Variants in KCNJ3 observed in about 807,000 individuals in gnomAD.
KCNJ3 encodes G protein-activated inward rectifier potassium channel 1.
In KCNJ3, 4 loss-of-function variants were observed where a neutral mutation model predicts 39.2. The observed-to-expected ratio is 0.10, with a 90% CI of 0.05 to 0.23. The LOEUF (loss-of-function observed/expected upper bound fraction) is 0.23, where lower values mean the gene tolerates loss of function less well. KCNJ3 is among the 10% of genes least tolerant of loss of function. The probability of loss-of-function intolerance (pLI) is 1.00; values close to 1 mark genes in which losing one functional copy is unlikely to be tolerated. For synonymous variants in KCNJ3, 230 were observed against 237.4 expected, an observed-to-expected ratio of 0.97 and a Z score of 0.29; for missense variants, 276 against 634.9, an observed-to-expected ratio of 0.43 and a Z score of 6.08.
intron 2 of KCNJ3, among the ~76,000 whole-genome samples, chr2:154,735,069 CTGTGTGTGTG>C (rs10632638): frequency 9.6e-5 from 14 of 145,894 alleles, no homozygotes; most frequent in Admixed American, 5.4e-4. Context: ...CCTTGTAGGC[CTGTGTGTGTG>C]TGTGTGTGTG....
chr2:154,845,699 A>G lies in KCNJ3; in HGVS notation c.920-9028A>G, dbSNP rs1321033063. On this transcript the variant is annotated intron_variant, in intron 2 of 2. Transcript: ENST00000295101. ...TTGAAAGTGAATTTAGGCCAGGTAC[A>G]GTGGCTCACGCCTGTAATCCCAGCA... 4.6e-5 allele frequency among the ~76,000 whole-genome samples: 7 copies of G among 152,158 alleles called. No individual in the cohort carries two copies. In the East Asian group the frequency reaches 1.4e-3, roughly 30 times the overall value.
intron 2 of KCNJ3, among the ~76,000 whole-genome samples, chr2:154,774,466 A>G (rs559807960): frequency 5.9e-5 from 9 of 152,092 alleles, no homozygotes; most frequent in Non-Finnish European, 1.0e-4. Context: ...AAATATTAAC[A>G]TCATTATTTA....
chr2:154,777,590 T>C (rs967661262), intron 2 of KCNJ3, among the ~76,000 whole-genome samples: 1 of 152,212 alleles, frequency 6.6e-6, no homozygotes, highest in Non-Finnish European at 1.5e-5. Flanking sequence ...ATATAGGATA[T>C]TGGAAGTGGT....
At chr2:154,729,301 A>C (rs1685413714) in intron 2 of KCNJ3, among the ~76,000 whole-genome samples, 1 of 152,200 alleles carries the variant, frequency 6.6e-6, no homozygotes, top group African/African-American at 2.4e-5. Context: ...TATGTTTTGC[A>C]ACCAACTTTG....
intron 2 of KCNJ3, among the ~76,000 whole-genome samples, chr2:154,752,303 G>T (rs1403553760): frequency 6.6e-6 from 1 of 151,836 alleles, no homozygotes; most frequent in Admixed American, 6.6e-5. Context: ...AGTCAACTAG[G>T]AAATGTGATG....
intron 2 of KCNJ3, among the ~76,000 whole-genome samples, chr2:154,836,722 T>A (rs921356511): frequency 1.3e-4 from 20 of 152,204 alleles, no homozygotes; most frequent in African/African-American, 4.6e-4. Context: ...TCACTTAGGT[T>A]CTATAAATAG....
At chr2:154,771,017 A>G (rs1383076817) in intron 2 of KCNJ3, among the ~76,000 whole-genome samples, 1 of 149,556 alleles carries the variant, frequency 6.7e-6, no homozygotes, top group Non-Finnish European at 1.5e-5. Flanking sequence ...CAGCCTCCCC[A>G]GTAGCGGGAT....
At chr2:154,735,493 A>G (rs1685515901) in intron 2 of KCNJ3, among the ~76,000 whole-genome samples, 1 of 152,194 alleles carries the variant, frequency 6.6e-6, no homozygotes, top group Admixed American at 6.5e-5. Flanking sequence ...CAGGGTAAGA[A>G]TTGTTTTAAT....
intron 2 of KCNJ3, among the ~76,000 whole-genome samples, chr2:154,753,974 T>A (rs1685894020): frequency 6.6e-6 from 1 of 152,166 alleles, no homozygotes; most frequent in Non-Finnish European, 1.5e-5. Context: ...AACAGAAAAT[T>A]AGCATTGACT....
intron 2 of KCNJ3, among the ~76,000 whole-genome samples, chr2:154,814,223 C>G (rs1687045217): frequency 6.6e-6 from 1 of 152,166 alleles, no homozygotes; most frequent in African/African-American, 2.4e-5. Context: ...AAGGTGACAG[C>G]TCTATTCCCA....
At chr2:154,822,105 C>T (rs773378035) in intron 2 of KCNJ3, among the ~76,000 whole-genome samples, 1 of 152,036 alleles carries the variant, frequency 6.6e-6, no homozygotes, top group African/African-American at 2.4e-5. Context: ...ATGTTCTCCA[C>T]GAAAACATCA....
At chr2:154,844,129 G>GATTCTTCTGAGAGAAAATTATCAA (rs1553462438) in intron 2 of KCNJ3, among the ~76,000 whole-genome samples, 1 of 152,186 alleles carries the variant, frequency 6.6e-6, no homozygotes, top group Non-Finnish European at 1.5e-5. Flanking sequence ...TGGGGTTTTG[G>GATTCTTCTGAGAGAAAATTATCAA]TGTAGATGAC....
chr2:154,790,500 A>G (rs957719988), intron 2 of KCNJ3, among the ~76,000 whole-genome samples: 4 of 152,058 alleles, frequency 2.6e-5, no homozygotes, highest in African/African-American at 9.7e-5. Flanking sequence ...GAATGACTAG[A>G]AGGGTATGTT....
At chr2:154,824,475 G>A (rs1342902943) in intron 2 of KCNJ3, among the ~76,000 whole-genome samples, 6 of 151,728 alleles carry the variant, frequency 4.0e-5, no homozygotes, top group Admixed American at 2.6e-4. Context: ...TTTTAACAAC[G>A]GTTTGGGTGC....
At chr2:154,737,393 G>C (rs569254768) in intron 2 of KCNJ3, among the ~76,000 whole-genome samples, 2 of 152,156 alleles carry the variant, frequency 1.3e-5, no homozygotes, top group African/African-American at 2.4e-5. Flanking sequence ...AAAATATTTA[G>C]TACCTAACAA....
At chr2:154,739,498 T>G (rs1365568055) in intron 2 of KCNJ3, among the ~76,000 whole-genome samples, 1 of 152,078 alleles carries the variant, frequency 6.6e-6, no homozygotes, top group Non-Finnish European at 1.5e-5. Flanking sequence ...TCATTTGCCT[T>G]CCTTATTACC....
At chr2:154,811,172 G>C (rs1301225757) in intron 2 of KCNJ3, among the ~76,000 whole-genome samples, 1 of 152,170 alleles carries the variant, frequency 6.6e-6, no homozygotes, top group Non-Finnish European at 1.5e-5. Flanking sequence ...TTATGCAGTA[G>C]GGGTGTGGCT....
rs1179721730 is a variant in KCNJ3, at chr2:154,764,246, T to C, written c.919+54427T>C. ...GTTAAGGGGTGAAAATATCTCTGAT[T>C]ATATTTTTAGAATGCCCTCCTCTCT... On this transcript the variant is annotated intron_variant, in intron 2 of 2. Coordinates refer to ENST00000295101, the MANE Select transcript of KCNJ3 (RefSeq NM_002239.4). Among the ~76,000 whole-genome samples the C allele has an allele frequency of 5.3e-4, 80 of 152,200 alleles. 1 individual carries two copies. Among genetic ancestry groups the C allele is most frequent in the Admixed American group, 5.2e-3 (80 of 15,270 alleles).
chr2:154,757,346 A>G (rs1242154741), intron 2 of KCNJ3, among the ~76,000 whole-genome samples: 1 of 152,120 alleles, frequency 6.6e-6, no homozygotes, highest in Non-Finnish European at 1.5e-5. Context: ...TTAGTATTGC[A>G]AAGGCTGGGT....
Sources: allele counts gnomAD v4.1 joint callset (sites outside exome capture counted in the v4.1 genomes callset), GRCh38; gene constraint gnomAD v4.1.1; transcripts MANE v1.5; gene names NCBI Gene and HGNC (gene_info 2026-07-23, HGNC 2026-07-21).